Variants in UGP2 observed in about 807,000 individuals in gnomAD.
UGP2 encodes UDP-glucose pyrophosphorylase 2.
UGP2 carries 40 observed loss-of-function variants against 49.0 expected under a neutral mutation model. The ratio of observed to expected loss-of-function variants is 0.82; its 90% CI spans 0.63 to 1.06. The LOEUF is 1.06. Among genes scored for constraint, UGP2 ranks in the 50% least tolerant of loss-of-function variants. UGP2 has a pLI of 0.00. For synonymous variants in UGP2, 225 were observed against 213.0 expected, an observed-to-expected ratio of 1.06 and a Z score of -0.49; for missense variants, 460 against 603.5, an observed-to-expected ratio of 0.76 and a Z score of 2.49.
chr2:63,859,588 G>A (rs1439815375), intron 3 of UGP2, among the ~76,000 whole-genome samples: 1 of 152,088 alleles, frequency 6.6e-6, no homozygotes, highest in Non-Finnish European at 1.5e-5. Flanking sequence ...CCCATTCCCA[G>A]GAAAGTTCTG....
At chr2:63,848,121 T>C (rs1668791884) in intron 1 of UGP2, among the ~76,000 whole-genome samples, 1 of 152,190 alleles carries the variant, frequency 6.6e-6, no homozygotes, top group Non-Finnish European at 1.5e-5. Context: ...TTCTCTGGCT[T>C]GGGGTTTAAT....
At chr2:63,848,411 T>C (rs767077290) in intron 1 of UGP2, among the ~76,000 whole-genome samples, 1 of 152,226 alleles carries the variant, frequency 6.6e-6, no homozygotes, top group Non-Finnish European at 1.5e-5. Flanking sequence ...TTGCCCAGGC[T>C]GGAATGCAGT....
At chr2:63,842,679 A>C (rs1192527454) in intron 1 of UGP2, 3 of 1,320,994 alleles carry the variant, frequency 2.3e-6, no homozygotes, top group Non-Finnish European at 2.9e-6. Context: ...TTTGCGTCTC[A>C]GATTCACTTA....
chr2:63,872,287 G>T (rs1465993875), intron 3 of UGP2, among the ~76,000 whole-genome samples: 2 of 152,134 alleles, frequency 1.3e-5, no homozygotes, highest in East Asian at 1.9e-4. Flanking sequence ...ATAAAGAAAA[G>T]AAATCAACCA....
At chr2:63,877,000 A>G (rs1220598923) in intron 3 of UGP2, among the ~76,000 whole-genome samples, 3 of 152,390 alleles carry the variant, frequency 2.0e-5, no homozygotes, top group Non-Finnish European at 4.4e-5. Context: ...GTTAAAATCA[A>G]TATGAGGCTG....
At chr2:63,863,341 A>C (rs906946277) in intron 3 of UGP2, among the ~76,000 whole-genome samples, 10 of 151,910 alleles carry the variant, frequency 6.6e-5, no homozygotes, top group Admixed American at 1.3e-4. Context: ...TGTTTTACTT[A>C]TTTCTTGTTT....
Position 63,842,529 on chromosome 2 carries a change from CTGTGTCAAGGTACCTG to C in UGP2, c.19+328_19+343del, listed in dbSNP as rs1671638903. ...TTAATCCTTGTTCTCTTTTCCTGGTCTGTGTCAAGGTACCTGTGCGTGCACGCAGACGGGAAGGGCT... is the reference window on the plus strand; with the variant it reads ...TTAATCCTTGTTCTCTTTTCCTGGTCTGCGTGCACGCAGACGGGAAGGGCT... On this transcript the variant is annotated intron_variant, in intron 1 of 9. Coordinates refer to ENST00000337130, the MANE Select transcript of UGP2 (RefSeq NM_006759.4). 16 of 1,533,186 alleles carry C rather than the reference CTGTGTCAAGGTACCTG, an allele frequency of 1.0e-5. No homozygotes were observed. In the African/African-American group the frequency reaches 2.1e-4, roughly 20 times the overall value. 95.0% of individuals were successfully genotyped at this position (1,533,186 alleles called of 1,614,324 possible).
chr2:63,887,398 AC>A lies in UGP2; in HGVS notation c.1072-3del. ...TTCTATTCCCCACCCCTAATTTCTTACAGACTTTGGATGGAGGCCTGAATGT... is the reference window on the plus strand; with the variant it reads ...TTCTATTCCCCACCCCTAATTTCTTAAGACTTTGGATGGAGGCCTGAATGT... On this transcript the variant is annotated splice_region_variant and splice_polypyrimidine_tract_variant and intron_variant, in intron 7 of 9. Transcript: ENST00000337130. The A allele has an allele frequency of 6.2e-7, 1 of 1,613,714 alleles. No individual in the cohort carries two copies. The highest frequency in any genetic ancestry group is 8.5e-7 in the Non-Finnish European group (1 of 1,179,906).
chr2:63,869,793 T>G (rs1482779016), intron 3 of UGP2, among the ~76,000 whole-genome samples: 1 of 152,216 alleles, frequency 6.6e-6, no homozygotes, highest in African/African-American at 2.4e-5. Context: ...AAGACCTCTT[T>G]ACTTACATGT....
chr2:63,860,482 A>G (rs1474926064), intron 3 of UGP2, among the ~76,000 whole-genome samples: 1 of 152,166 alleles, frequency 6.6e-6, no homozygotes, highest in Admixed American at 6.5e-5. Context: ...ACCCCATTTT[A>G]GTGTATGTAT....
intron 9 of UGP2, 96 bp downstream of exon 9, chr2:63,890,281 T>A (rs1672008863): frequency 2.4e-6 from 2 of 823,242 alleles, no homozygotes; most frequent in Non-Finnish European, 3.8e-6. Context: ...GAATACTTGT[T>A]AGTCTTAGTG....
At chr2:63,843,623 A>G (rs548740903) in intron 1 of UGP2, among the ~76,000 whole-genome samples, 66 of 152,328 alleles carry the variant, frequency 4.3e-4, no homozygotes, top group South Asian at 3.9e-3. Context: ...TGTAATGCCA[A>G]CTTGTCCTCA....
At chr2:63,882,750 A>T in intron 4 of UGP2, 99 bp downstream of exon 4, 1 of 1,273,424 alleles carries the variant, frequency 7.9e-7, no homozygotes, top group Non-Finnish European at 1.0e-6. Context: ...AATTTGAGCT[A>T]ACCAAAGAGC....
chr2:63,857,890 G>A lies in UGP2; in HGVS notation c.209G>A (p.Gly70Glu), dbSNP rs1340185865. ...TTTCATAGATTTTTGCAAGAAAAGG[G>A]GCCTTCTGTGGATTGGGGAAAAATC... ...KLFHRFLQEK[G>E]PSVDWGKIQR... Residue 70 changes from glycine to glutamate, a missense_variant, in exon 3 of 10, where the codon GGG becomes GAG. Gly to Glu is a moderately conservative substitution (Grantham distance 98, BLOSUM62 -2). Transcript: ENST00000337130. 13 of 1,614,062 alleles carry A rather than the reference G, an allele frequency of 8.1e-6. No individual in the cohort carries two copies. The highest frequency in any genetic ancestry group is 1.7e-5 in the Admixed American group (1 of 60,014).
chr2:63,842,077 G>A lies in UGP2; in HGVS notation c.-109G>A, dbSNP rs1281672891. 3 of 1,359,074 alleles carry A rather than the reference G, an allele frequency of 2.2e-6. No homozygotes were observed. In the African/African-American group the frequency reaches 4.4e-5, roughly 20 times the overall value. 84.2% of individuals were successfully genotyped at this position (1,359,074 alleles called of 1,614,324 possible). A position where few individuals can be genotyped will look rare whatever the true frequency, so the allele number is the denominator to read the frequency against. On this transcript the variant is annotated 5_prime_UTR_variant, in exon 1 of 10. Transcript: ENST00000337130. The stretch of plus-strand genomic sequence containing the variant: ...CCTTAAGTAGTTAAATATAGGAGGA[G>A]AAAGAATACATCGGTTGTTAAAGCA...
intron 3 of UGP2, among the ~76,000 whole-genome samples, chr2:63,871,789 C>T (rs1047577495): frequency 1.3e-5 from 2 of 152,200 alleles, no homozygotes; most frequent in Non-Finnish European, 2.9e-5. Flanking sequence ...ACCCTCTTTT[C>T]TCTGGCCATC....
intron 5 of UGP2, among the ~76,000 whole-genome samples, chr2:63,884,891 T>TATC (rs1671552420): frequency 1.3e-5 from 2 of 151,174 alleles, no homozygotes; most frequent in Non-Finnish European, 2.9e-5. Context: ...AGCAAGACCC[T>TATC]ATCTCAAAAA....
chr2:63,842,601 T>G, intron 1 of UGP2: 1 of 1,461,010 alleles, frequency 6.8e-7, no homozygotes, highest in Non-Finnish European at 9.0e-7. Flanking sequence ...AAAAGCCGGG[T>G]GGGTTTTGCC....
Position 63,890,199 on chromosome 2 carries a change from A to G in UGP2, c.1419+14A>G, listed in dbSNP as rs1671996038. 6.4e-7 allele frequency: 1 copy of G among 1,563,734 alleles called. No individual in the cohort carries two copies. Among genetic ancestry groups the G allele is most frequent in the Non-Finnish European group, 8.7e-7 (1 of 1,144,358 alleles). ...GTTTCATTAAAGGTATGTTGTTACA[A>G]TGAAAATTATATTTCTTACAGCTTA... On this transcript the variant is annotated intron_variant, in intron 9 of 9. Transcript: ENST00000337130.
Sources: allele counts gnomAD v4.1 joint callset (sites outside exome capture counted in the v4.1 genomes callset), GRCh38; gene constraint gnomAD v4.1.1; transcripts MANE v1.5; gene names NCBI Gene and HGNC (gene_info 2026-07-23, HGNC 2026-07-21).